Variants in SLC38A4 observed in about 807,000 individuals in gnomAD.
The protein encoded by SLC38A4 is solute carrier family 38 member 4.
A neutral mutation model predicts 63.1 loss-of-function variants in SLC38A4; 20 were observed. The observed-to-expected ratio is 0.32, with a 90% confidence interval of 0.22 to 0.46. The LOEUF (loss-of-function observed/expected upper bound fraction) is 0.46. SLC38A4 is among the 20% of genes least tolerant of loss of function. SLC38A4 has a pLI of 1.00. For missense variants in SLC38A4, 526 were observed against 663.6 expected, an observed-to-expected ratio of 0.79 and a Z score of 2.28; for synonymous variants, 230 against 225.5, an observed-to-expected ratio of 1.02 and a Z score of -0.18.
chr12:46,768,204 G>A, intron 16 of SLC38A4, 106 bp downstream of exon 16: 1 of 794,870 alleles, frequency 1.3e-6, no homozygotes, highest in South Asian at 2.0e-5. Flanking sequence ...TTTGATTTTT[G>A]GTTCTTGTAC....
At chr12:46,783,573 CA>C (rs770899868) in intron 7 of SLC38A4, among the ~76,000 whole-genome samples, 9 of 151,916 alleles carry the variant, frequency 5.9e-5, no homozygotes, top group African/African-American at 9.7e-5. Context: ...TGAGGACGGA[CA>C]GAGAGGAGAG....
intron 7 of SLC38A4, among the ~76,000 whole-genome samples, chr12:46,783,414 G>A (rs961815286): frequency 3.9e-5 from 6 of 151,954 alleles, no homozygotes; most frequent in Admixed American, 2.0e-4. Context: ...TTTTATGCAC[G>A]ACAAAAGTAG....
chr12:46,787,848 G>C (rs899362930), intron 5 of SLC38A4, 68 bp downstream of exon 5: 26 of 1,125,110 alleles, frequency 2.3e-5, no homozygotes. Context: ...ACTTGAGATT[G>C]TTAATTGAAA....
intron 14 of SLC38A4, among the ~76,000 whole-genome samples, chr12:46,773,502 G>A (rs1346180147): frequency 6.6e-6 from 1 of 152,048 alleles, no homozygotes; most frequent in East Asian, 1.9e-4. Context: ...CTGAACTCTG[G>A]TTCTTATGGT....
At chr12:46,823,394 G>T (rs1448719244) in intron 1 of SLC38A4, among the ~76,000 whole-genome samples, 1 of 152,148 alleles carries the variant, frequency 6.6e-6, no homozygotes, top group East Asian at 1.9e-4. Flanking sequence ...CAGCACAAAT[G>T]ATTCTATTCC....
intron 14 of SLC38A4, among the ~76,000 whole-genome samples, chr12:46,769,850 T>C (rs931352249): frequency 6.6e-6 from 1 of 152,108 alleles, no homozygotes; most frequent in Admixed American, 6.6e-5. Flanking sequence ...CCTTAGTGTA[T>C]AGTAGGCTCC....
intron 2 of SLC38A4, among the ~76,000 whole-genome samples, chr12:46,793,863 C>T (rs1428467824): frequency 6.6e-6 from 1 of 152,178 alleles, no homozygotes. Flanking sequence ...TTAGCCTCTG[C>T]TCTGCCTTTA....
chr12:46,808,523 TA>T (rs5798001), intron 1 of SLC38A4, among the ~76,000 whole-genome samples: 2 of 150,452 alleles, frequency 1.3e-5, no homozygotes, highest in East Asian at 2.0e-4. Context: ...AAAATTAAAT[TA>T]AAAAAAAAAT....
chr12:46,787,298 T>G (rs974820766), intron 5 of SLC38A4, among the ~76,000 whole-genome samples: 3 of 152,134 alleles, frequency 2.0e-5, no homozygotes, highest in Non-Finnish European at 4.4e-5. Flanking sequence ...ATTAACCAAA[T>G]GAATCAGACA....
rs1023807504 is a variant in SLC38A4 at position 46,766,275 on chromosome 12, G to A, written c.*426C>T. On this transcript the variant is annotated 3_prime_UTR_variant, in exon 17 of 17. Coordinates refer to ENST00000266579, the MANE Select transcript of SLC38A4 (RefSeq NM_018018.5). ...GCAAGACTGAGAGAAGACATTAAAT[G>A]GTGATAGCTTTGCCACCAGGGCATT... 1 of 424,276 alleles carries A rather than the reference G, an allele frequency of 2.4e-6. No homozygotes were observed. Among genetic ancestry groups the A allele is most frequent in the Non-Finnish European group, 4.8e-6 (1 of 210,188 alleles). 26.3% of individuals were successfully genotyped at this position (424,276 alleles called of 1,614,324 possible). A position where few individuals can be genotyped will look rare whatever the true frequency, so the allele number is the denominator to read the frequency against.
Position 46,778,525 on chromosome 12 carries a change from G to C in SLC38A4, c.969C>G (p.Pro323=), listed in dbSNP as rs558226059. The change falls in exon 11 of 17, where the codon CCC becomes CCG. Residue 323 remains proline (P), a synonymous_variant. Transcript: ENST00000266579. The part of the protein sequence containing the change: ...YEAHSDDKCE[P]KYFVFNSRTA... ...CCCGGGAGTTGAATACAAAGTATTTGGGTTCACACTTGTCATCACTATGAG... is the reference window on the plus strand; with the variant it reads ...CCCGGGAGTTGAATACAAAGTATTTCGGTTCACACTTGTCATCACTATGAG... 1.1e-5 allele frequency: 17 copies of C among 1,612,112 alleles called. No individual in the cohort carries two copies. The South Asian group carries it at 1.2e-4, about 11-fold the overall frequency.
chr12:46,787,841 T>G (rs2120813545), intron 5 of SLC38A4, 75 bp downstream of exon 5: 508 of 1,046,838 alleles, frequency 4.9e-4, no homozygotes, highest in Non-Finnish European at 6.5e-4. Flanking sequence ...AGATCAAACT[T>G]GAGATTGTTA....
At position 46,765,586 on chromosome 12, in the gene SLC38A4, A is replaced by G. The variant is rs753186693; in HGVS notation, c.*1115T>C. The G allele has an allele frequency of 1.6e-5, 3 of 191,638 alleles. No homozygotes were observed. Among genetic ancestry groups the G allele is most frequent in the Middle Eastern group, 2.3e-3 (1 of 444 alleles). The allele number at this position is 191,638 out of a possible 1,614,324, so 11.9% of individuals were successfully genotyped here. A position where few individuals can be genotyped will look rare whatever the true frequency, so the allele number is the denominator to read the frequency against. On this transcript the variant is annotated 3_prime_UTR_variant, in exon 17 of 17. Coordinates refer to ENST00000266579, the MANE Select transcript of SLC38A4 (RefSeq NM_018018.5). ...AAATTATCCCCAGACATTTGTAGAC[A>G]GATACATATGAATGGATTTTCGAGC...
At chr12:46,801,376 T>C (rs965676038) in intron 2 of SLC38A4, among the ~76,000 whole-genome samples, 2 of 152,048 alleles carry the variant, frequency 1.3e-5, no homozygotes, top group Non-Finnish European at 2.9e-5. Context: ...AAGAAAGACA[T>C]CAAGTCTGGA....
In SLC38A4 at chr12:46,787,952, G is replaced by A; in HGVS notation, c.290C>T (p.Ser97Phe). 1 of 1,613,786 alleles carries A rather than the reference G, an allele frequency of 6.2e-7. No homozygotes were observed. The highest frequency in any genetic ancestry group is 8.5e-7 in the Non-Finnish European group (1 of 1,179,778). The change falls in exon 5 of 17, where the codon TCC (serine) becomes TTC (phenylalanine). Residue 97 changes from serine to phenylalanine, a missense_variant. Coordinates refer to ENST00000266579, the MANE Select transcript of SLC38A4 (RefSeq NM_018018.5). ...AIMGSGILGL[S>F]YAMANTGIIL... is the part of the protein sequence containing the mutation. The stretch of plus-strand genomic sequence containing the variant: ...GATCCCTGTGTTGGCCATGGCATAG[G>A]ACAAGCCCAGGATCCCACTGCCCAT...
chr12:46,784,678 A>G, intron 6 of SLC38A4, 44 bp from the exon 7 acceptor site: 2 of 1,449,050 alleles, frequency 1.4e-6, no homozygotes, highest in Non-Finnish European at 1.9e-6. Context: ...GATTGTTTTA[A>G]TGACTAAAAT....
intron 1 of SLC38A4, among the ~76,000 whole-genome samples, chr12:46,815,956 A>C (rs1244215076): frequency 6.6e-6 from 1 of 151,904 alleles, no homozygotes; most frequent in Non-Finnish European, 1.5e-5. Flanking sequence ...AAAGCCCTGA[A>C]AAAATATATA....
At chr12:46,817,733 T>C (rs543102513) in intron 1 of SLC38A4, among the ~76,000 whole-genome samples, 1 of 152,014 alleles carries the variant, frequency 6.6e-6, no homozygotes, top group Admixed American at 6.6e-5. Flanking sequence ...TTCTCTTAAT[T>C]ATTCTTAATC....
intron 1 of SLC38A4, among the ~76,000 whole-genome samples, chr12:46,816,148 A>T (rs1181475401): frequency 6.6e-6 from 1 of 151,922 alleles, no homozygotes; most frequent in Non-Finnish European, 1.5e-5. Flanking sequence ...AAAATATGTT[A>T]GTGATAGGCA....
Sources: allele counts gnomAD v4.1 joint callset (sites outside exome capture counted in the v4.1 genomes callset), GRCh38; gene constraint gnomAD v4.1.1; transcripts MANE v1.5; gene names NCBI Gene and HGNC (gene_info 2026-07-23, HGNC 2026-07-21).